Variants in GTF2IRD2 observed in about 807,000 individuals in gnomAD.
The protein encoded by GTF2IRD2 is GTF2I repeat domain containing 2, also known as general transcription factor II-I repeat domain-containing protein 2A.
In GTF2IRD2, 8 loss-of-function variants were observed where a neutral mutation model predicts 49.2. The observed-to-expected ratio is 0.16, with a 90% CI of 0.10 to 0.29. GTF2IRD2 has a LOEUF of 0.29. Ranked by LOEUF, GTF2IRD2 falls within the 10% of genes least tolerant of loss-of-function variation. The pLI is 1.00. For synonymous variants in GTF2IRD2, 47 were observed against 289.7 expected, an observed-to-expected ratio of 0.16 and a Z score of 8.51; for missense variants, 130 against 725.7, an observed-to-expected ratio of 0.18 and a Z score of 9.43.
At chr7:74,815,857 A>AGAAG (rs1491528875) in intron 8 of GTF2IRD2, among the ~76,000 whole-genome samples, 47 of 106,762 alleles carry the variant, frequency 4.4e-4, no homozygotes, top group African/African-American at 1.7e-3. Context: ...AAAGAAAGAA[A>AGAAG]GAAAGAAAGA....
intron 15 of GTF2IRD2, among the ~76,000 whole-genome samples, chr7:74,800,216 C>CTTTTT (rs1311786337): frequency 7.6e-6 from 1 of 130,834 alleles, no homozygotes; most frequent in African/African-American, 2.8e-5. Flanking sequence ...CTTTTCTTTT[C>CTTTTT]TTTTTTTTTT....
chr7:74,809,366 C>T (rs1402386210), intron 10 of GTF2IRD2, among the ~76,000 whole-genome samples, 193 bp from the exon 11 acceptor site: 213 of 10,146 alleles, frequency 0.021, 20 homozygotes, highest in Non-Finnish European at 0.023. Context: ...GGGCCGGGCA[C>T]GGTGGCTCGC....
chr7:74,836,875 C>T (rs1800394050), intron 1 of GTF2IRD2, among the ~76,000 whole-genome samples: 1 of 141,304 alleles, frequency 7.1e-6, no homozygotes. Flanking sequence ...CCTGCTAACT[C>T]TCTTTCTTTC....
chr7:74,826,037 G>A (rs1272515232), intron 3 of GTF2IRD2, among the ~76,000 whole-genome samples: 3 of 151,256 alleles, frequency 2.0e-5, no homozygotes, highest in Admixed American at 1.3e-4. Flanking sequence ...CGCCTGCCTC[G>A]GCCTCCCAAA....
chr7:74,811,108 C>T (rs2529352), intron 9 of GTF2IRD2, among the ~76,000 whole-genome samples, 156 bp from the exon 10 acceptor site: 35,871 of 76,092 alleles, frequency 0.47, 14,719 homozygotes, highest in African/African-American at 0.82. Context: ...GTAGCTCACG[C>T]CTGTAATCTC....
intron 1 of GTF2IRD2, among the ~76,000 whole-genome samples, chr7:74,842,208 T>C (rs1410130070): frequency 7.7e-6 from 1 of 130,428 alleles, no homozygotes; most frequent in Non-Finnish European, 1.6e-5. Flanking sequence ...CACTGAACAG[T>C]ACACTTTATT....
chr7:74,819,058 G>A (rs1798705178), intron 8 of GTF2IRD2: 1 of 179,146 alleles, frequency 5.6e-6, no homozygotes, highest in Non-Finnish European at 1.2e-5. Context: ...CCAAGTAGCT[G>A]GGACTACAGG....
At position 74,822,109 on chromosome 7, in the gene GTF2IRD2, C is replaced by T. The variant is rs782080443; in HGVS notation, c.571+318G>A. ...TCGCCCAGGCTGGAGTGCAGTGGCGCGATCTCCGCTCACTGCAAGCTCCAC... is the reference window on the plus strand; with the variant it reads ...TCGCCCAGGCTGGAGTGCAGTGGCGTGATCTCCGCTCACTGCAAGCTCCAC... On this transcript the variant is annotated intron_variant, in intron 6 of 15. Coordinates refer to ENST00000451013, the MANE Select transcript of GTF2IRD2 (RefSeq NM_173537.5). 244 of 283,794 alleles carry T rather than the reference C, an allele frequency of 8.6e-4. 1 individual carries two copies. Among genetic ancestry groups the T allele is most frequent in the Middle Eastern group, 1.3e-3 (1 of 750 alleles). 17.6% of individuals were successfully genotyped at this position (283,794 alleles called of 1,614,324 possible).
At chr7:74,830,523 GA>G (rs1479552897) in intron 3 of GTF2IRD2, among the ~76,000 whole-genome samples, 1 of 146,166 alleles carries the variant, frequency 6.8e-6, no homozygotes, top group Non-Finnish European at 1.5e-5. Context: ...AAACAAAAAC[GA>G]AAAACCTGCG....
intron 1 of GTF2IRD2, among the ~76,000 whole-genome samples, chr7:74,839,977 G>A (rs1470924098): frequency 2.1e-4 from 31 of 147,860 alleles, no homozygotes; most frequent in Non-Finnish European, 4.6e-4. Context: ...TCCAGGTGGG[G>A]CAACAGAGTA....
At chr7:74,815,797 GGAAAGAAA>G (rs1189790776) in intron 8 of GTF2IRD2, among the ~76,000 whole-genome samples, 4,421 of 44,900 alleles carry the variant, frequency 0.098, 72 homozygotes, top group Middle Eastern at 0.15. Context: ...AAAGAAAGAA[GGAAAGAAA>G]GAAAGAAAGA....
intron 3 of GTF2IRD2, among the ~76,000 whole-genome samples, chr7:74,831,176 T>A (rs1799811725): frequency 6.6e-6 from 1 of 151,040 alleles, no homozygotes; most frequent in African/African-American, 2.4e-5. Flanking sequence ...TGAATCAATC[T>A]ATCACTCAAT....
chr7:74,798,570 G>A (rs1490193665), intron 15 of GTF2IRD2, among the ~76,000 whole-genome samples: 4 of 150,682 alleles, frequency 2.7e-5, no homozygotes, highest in South Asian at 2.1e-4. Context: ...GTGCAGTGGC[G>A]CAATCTCGGC....
intron 1 of GTF2IRD2, among the ~76,000 whole-genome samples, chr7:74,842,409 G>T (rs1584407395): frequency 7.2e-6 from 1 of 139,240 alleles, no homozygotes; most frequent in South Asian, 2.4e-4. Context: ...TTTTGTATTT[G>T]TAGTAGAGAT....
At chr7:74,824,165 CA>C (rs1158496675) in intron 4 of GTF2IRD2, among the ~76,000 whole-genome samples, 1 of 117,070 alleles carries the variant, frequency 8.5e-6, no homozygotes, top group Non-Finnish European at 1.8e-5. Context: ...GACTCTGCCT[CA>C]AAAAAAAAAA....
chr7:74,821,943 T>C (rs1191358652), intron 6 of GTF2IRD2: 1 of 180,888 alleles, frequency 5.5e-6, no homozygotes, highest in Non-Finnish European at 1.2e-5. Flanking sequence ...GGGGGATACA[T>C]CTGCAGAATG....
At chr7:74,837,955 T>A (rs1359235699) in intron 1 of GTF2IRD2, among the ~76,000 whole-genome samples, 1 of 85,858 alleles carries the variant, frequency 1.2e-5, no homozygotes, top group Non-Finnish European at 2.0e-5. Context: ...TTTCACCATG[T>A]TAGCCAGGAT....
chr7:74,815,850 GA>G (rs1798490041), intron 8 of GTF2IRD2, among the ~76,000 whole-genome samples: 119 of 108,158 alleles, frequency 1.1e-3, no homozygotes, highest in African/African-American at 4.2e-3. Context: ...AAGAAAGAAA[GA>G]AAGAAAGAAA....
intron 3 of GTF2IRD2, among the ~76,000 whole-genome samples, chr7:74,830,550 G>T (rs1215617641): frequency 6.8e-5 from 10 of 146,606 alleles, no homozygotes; most frequent in Non-Finnish European, 1.1e-4. Flanking sequence ...AAAAAAGAAA[G>T]AAATCATATC....
Sources: gnomAD v4.1 joint callset for allele counts (sites outside exome capture counted in the v4.1 genomes callset) on GRCh38, gnomAD v4.1.1 for gene constraint, MANE v1.5 for transcripts, NCBI Gene and HGNC (gene_info 2026-07-23, HGNC 2026-07-21) for gene names.